Variants in COP1 observed in about 807,000 individuals in gnomAD.
COP1 encodes the protein E3 ubiquitin-protein ligase COP1.
Under a neutral mutation model 101.3 loss-of-function variants are expected in COP1, and 24 were observed. The ratio of observed to expected loss-of-function variants is 0.24; its 90% CI spans 0.17 to 0.33. COP1 has a LOEUF of 0.33. Among genes scored for constraint, COP1 ranks in the 10% least tolerant of loss-of-function variants. The pLI is 1.00. For synonymous variants in COP1, 347 were observed against 341.9 expected (o/e 1.01, Z -0.17); for missense variants, 663 against 906.2 (o/e 0.73, Z 3.45).
In COP1 at chr1:175,967,875, CT is replaced by C. The variant is rs375172601; in HGVS notation, c.2133+19067del. On this transcript the variant is annotated intron_variant, in intron 18 of 19. Coordinates refer to ENST00000367669, the MANE Select transcript of COP1 (RefSeq NM_022457.7). ...CTTAGAAGAATAATATTTCTTTTTTCTTTTTTTTTTGAGATGGAGTCTCGCA... is the reference window on the plus strand; with the variant it reads ...CTTAGAAGAATAATATTTCTTTTTTCTTTTTTTTTGAGATGGAGTCTCGCA... Among the ~76,000 whole-genome samples the C allele has an allele frequency of 2.7e-3, 398 of 148,408 alleles. 3 individuals carry two copies. The highest frequency in any genetic ancestry group is 9.2e-3 in the African/African-American group (377 of 40,780).
intron 14 of COP1, among the ~76,000 whole-genome samples, chr1:176,031,299 T>C (rs1429613869): frequency 6.6e-6 from 1 of 152,074 alleles, no homozygotes; most frequent in Non-Finnish European, 1.5e-5. Flanking sequence ...AAAGATAAAA[T>C]AGTATAATCT....
intron 11 of COP1, among the ~76,000 whole-genome samples, chr1:176,079,052 G>C (rs756137485): frequency 6.6e-6 from 1 of 152,122 alleles, no homozygotes; most frequent in Non-Finnish European, 1.5e-5. Context: ...ATGCAAACTA[G>C]ATCAACCACT....
intron 11 of COP1, among the ~76,000 whole-genome samples, chr1:176,063,156 T>C (rs772926887): frequency 8.7e-4 from 121 of 138,846 alleles, no homozygotes; most frequent in Middle Eastern, 7.7e-3. Context: ...GCTTCCTGGG[T>C]TCACGCCATT....
At chr1:175,980,594 C>A (rs1296602708) in intron 18 of COP1, among the ~76,000 whole-genome samples, 1 of 152,054 alleles carries the variant, frequency 6.6e-6, no homozygotes, top group African/African-American at 2.4e-5. Flanking sequence ...CTGATCCCTG[C>A]CTCCCCTAAC....
At chr1:176,186,063 G>A (rs1292794579) in intron 1 of COP1, among the ~76,000 whole-genome samples, 3 of 151,892 alleles carry the variant, frequency 2.0e-5, no homozygotes, top group Non-Finnish European at 4.4e-5. Flanking sequence ...ATAATAAGAG[G>A]ACACACCAGC....
At chr1:176,184,581 A>G in intron 2 of COP1, 52 bp downstream of exon 2, 1 of 1,379,348 alleles carries the variant, frequency 7.2e-7, no homozygotes, top group Non-Finnish European at 1.0e-6. Flanking sequence ...CTACATTTAC[A>G]GATAAGTTTT....
At chr1:175,989,650 AAG>A (rs1657939731) in intron 15 of COP1, among the ~76,000 whole-genome samples, 171 bp from the exon 16 acceptor site, 1 of 152,208 alleles carries the variant, frequency 6.6e-6, no homozygotes, top group African/African-American at 2.4e-5. Context: ...TGGCTCTAGA[AAG>A]AGAGTATTAA....
intron 15 of COP1, among the ~76,000 whole-genome samples, chr1:176,011,460 G>C (rs1358590020): frequency 6.6e-6 from 1 of 152,104 alleles, no homozygotes; most frequent in Non-Finnish European, 1.5e-5. Context: ...ACTTAAGATG[G>C]TTATGTTCAC....
intron 1 of COP1, among the ~76,000 whole-genome samples, chr1:176,205,031 T>C (rs1700688347): frequency 6.6e-6 from 1 of 152,230 alleles, no homozygotes; most frequent in African/African-American, 2.4e-5. Flanking sequence ...GTGAATGTCA[T>C]ACAAGTATCT....
intron 9 of COP1, among the ~76,000 whole-genome samples, chr1:176,092,886 G>A (rs1681585549): frequency 6.6e-6 from 1 of 152,134 alleles, no homozygotes; most frequent in Admixed American, 6.5e-5. Context: ...TGTGGATCTG[G>A]AGACATGTAC....
rs771924249 is a variant in COP1, at chr1:176,043,795, T to C, written c.1445A>G (p.His482Arg). Residue 482 changes from histidine to arginine, a missense_variant, in exon 13 of 20, where the codon CAT (histidine) becomes CGT (arginine). His to Arg is a conservative substitution (Grantham distance 29). This residue lies in a region of COP1 where 209 missense variants were observed against 383.3 expected (regional missense o/e 0.55). Coordinates refer to ENST00000367669, the MANE Select transcript of COP1 (RefSeq NM_022457.7). Reference sequence around the variant, plus strand: ...ATCACTGCTAGCTAACAGGTTCTTATGGTAACTACTCCAACTGATACAGCT... The same window carrying C: ...ATCACTGCTAGCTAACAGGTTCTTACGGTAACTACTCCAACTGATACAGCT... ...KISCISWSSY[H>R]KNLLASSDYE... 6.9e-6 allele frequency: 11 copies of C among 1,604,904 alleles called. No individual in the cohort carries two copies. The highest frequency in any genetic ancestry group is 1.7e-5 in the Admixed American group (1 of 59,986).
intron 11 of COP1, among the ~76,000 whole-genome samples, chr1:176,049,178 CAAAAAAAAAA>C (rs61267982): frequency 0.71 from 85,856 of 120,762 alleles, 29,135 homozygotes; most frequent in East Asian, 0.9. Context: ...GACTCCGTCT[CAAAAAAAAAA>C]AAAAAAAAAA....
intron 6 of COP1, among the ~76,000 whole-genome samples, chr1:176,148,334 A>T (rs1002055052): frequency 6.6e-6 from 1 of 152,114 alleles, no homozygotes; most frequent in Non-Finnish European, 1.5e-5. Context: ...ATGAGTAAAA[A>T]GTATCCTAAT....
intron 9 of COP1, among the ~76,000 whole-genome samples, chr1:176,114,587 GC>G (rs1378491927): frequency 4.2e-5 from 6 of 142,314 alleles, no homozygotes; most frequent in African/African-American, 1.5e-4. Flanking sequence ...TCTTTTTTTT[GC>G]GGGGGGAGGG....
chr1:176,018,103 T>G (rs916822485), intron 15 of COP1, among the ~76,000 whole-genome samples: 5 of 152,206 alleles, frequency 3.3e-5, no homozygotes, highest in African/African-American at 1.2e-4. Flanking sequence ...TGGCCCTGGT[T>G]TCCAACCTGA....
At chr1:175,949,194 G>GAAAAAAAAAAAAAAAAA (rs1649567940) in intron 18 of COP1, among the ~76,000 whole-genome samples, 4 of 35,792 alleles carry the variant, frequency 1.1e-4, no homozygotes, top group African/African-American at 2.4e-4. Flanking sequence ...AAAAAAAAAT[G>GAAAAAAAAAAAAAAAAA]AACATGGGTA....
chr1:175,955,417 C>T (rs1192228635), intron 18 of COP1, among the ~76,000 whole-genome samples: 1 of 152,116 alleles, frequency 6.6e-6, no homozygotes, highest in East Asian at 1.9e-4. Flanking sequence ...AACCCTTTCT[C>T]TCTCAGACTA....
rs534124322 is a variant in COP1 at position 176,130,135 on chromosome 1, T to TA, written c.968+4874dup. Among the ~76,000 whole-genome samples the TA allele has an allele frequency of 3.2e-3, 484 of 151,142 alleles. 2 individuals are homozygous for TA. Among genetic ancestry groups the TA allele is most frequent in the African/African-American group, 0.011 (442 of 41,358 alleles). On this transcript the variant is annotated intron_variant, in intron 8 of 19. Transcript: ENST00000367669. Reference sequence around the variant, plus strand: ...AACCTGGTCTAAGTATGTTTCAATATAAAAAAAAATCAGCATTGTCCTATT... The same window carrying TA: ...AACCTGGTCTAAGTATGTTTCAATATAAAAAAAAAATCAGCATTGTCCTATT...
chr1:175,962,981 T>TA (rs1429264218), intron 18 of COP1, among the ~76,000 whole-genome samples: 1 of 152,178 alleles, frequency 6.6e-6, no homozygotes, highest in African/African-American at 2.4e-5. Flanking sequence ...ACATTTTTTT[T>TA]AATATGTGAG....
Sources: allele counts gnomAD v4.1 joint callset (sites outside exome capture counted in the v4.1 genomes callset), GRCh38; gene constraint gnomAD v4.1.1; regional missense constraint gnomAD v4.1.1; transcripts MANE v1.5; gene names NCBI Gene and HGNC (gene_info 2026-07-23, HGNC 2026-07-21).